P4HA3: variants seen among roughly 807,000 people sequenced by gnomAD.
The protein encoded by P4HA3 is prolyl 4-hydroxylase subunit alpha 3, also known as prolyl 4-hydroxylase subunit alpha-3.
In P4HA3, 60 loss-of-function variants were observed where a neutral mutation model predicts 66.7. The observed-to-expected ratio is 0.90, with a 90% CI of 0.73 to 1.12. The LOEUF (loss-of-function observed/expected upper bound fraction) is 1.12, where lower values mean the gene tolerates loss of function less well. Among genes scored for constraint, P4HA3 ranks in the 50% most tolerant of loss-of-function variants. The pLI is 0.00. For missense variants in P4HA3, 683 were observed against 685.8 expected (o/e 1.00, Z 0.05); for synonymous variants, 263 against 274.6 (o/e 0.96, Z 0.42).
chr11:74,287,184 CT>C, intron 5 of P4HA3: 1 of 1,275,692 alleles, frequency 7.8e-7, no homozygotes, highest in Non-Finnish European at 1.0e-6. Flanking sequence ...CTGCTGGCCT[CT>C]TTGCATGACT....
chr11:74,274,972 T>C (rs1261695214), intron 9 of P4HA3, among the ~76,000 whole-genome samples: 1 of 152,206 alleles, frequency 6.6e-6, no homozygotes, highest in African/African-American at 2.4e-5. Context: ...GCCATTCATT[T>C]ATCCTTTTTG....
downstream of P4HA3, among the ~76,000 whole-genome samples, chr11:74,262,068 T>C (rs969982929): frequency 6.6e-6 from 1 of 152,188 alleles, no homozygotes; most frequent in Non-Finnish European, 1.5e-5. Context: ...CATTATTTTT[T>C]AGTTATGCTC....
Position 74,267,125 on chromosome 11 carries a change from A to G in P4HA3, c.*123T>C. ...CCCTTGCCTCTGATTTGCGAGGCACAGACAAAGCTGACAAGGCCTTCTTCC... is the reference window on the plus strand; with the variant it reads ...CCCTTGCCTCTGATTTGCGAGGCACGGACAAAGCTGACAAGGCCTTCTTCC... On this transcript the variant is annotated 3_prime_UTR_variant, in exon 13 of 13. Coordinates refer to ENST00000331597, the MANE Select transcript of P4HA3 (RefSeq NM_182904.5). The G allele has an allele frequency of 6.4e-7, 1 of 1,556,884 alleles. No homozygotes were observed. The highest frequency in any genetic ancestry group is 1.2e-5 in the South Asian group (1 of 85,640).
intron 1 of P4HA3, 75 bp downstream of exon 1, chr11:74,311,337 C>T: frequency 1.4e-6 from 2 of 1,385,814 alleles, no homozygotes; most frequent in South Asian, 3.1e-5. Context: ...TCACACTCAA[C>T]CTGAGTCACC....
At chr11:74,268,550 G>T (rs1172735352) in intron 11 of P4HA3, among the ~76,000 whole-genome samples, 1 of 152,178 alleles carries the variant, frequency 6.6e-6, no homozygotes, top group Non-Finnish European at 1.5e-5. Flanking sequence ...GGTGAGTTCT[G>T]GGAGAAAGGT....
chr11:74,257,853 G>T (rs763476005), intron 15 of P4HA3, among the ~76,000 whole-genome samples: 3 of 152,118 alleles, frequency 2.0e-5, no homozygotes, highest in Admixed American at 6.5e-5. Flanking sequence ...GAGAGAACAG[G>T]ATAGTCTCAT....
intron 15 of P4HA3, chr11:74,254,650 G>C (rs981235281): frequency 6.5e-6 from 1 of 152,736 alleles, no homozygotes; most frequent in Non-Finnish European, 1.5e-5. Context: ...GACCTACTTT[G>C]TTTTTTGTTA....
chr11:74,267,709 C>T (rs1307302821), intron 12 of P4HA3, among the ~76,000 whole-genome samples: 7 of 152,212 alleles, frequency 4.6e-5, no homozygotes. Context: ...TTCCACTTCT[C>T]TTTCTGTTTC....
In P4HA3 at chr11:74,266,701, C is replaced by T. The variant is rs929500755; in HGVS notation, c.*547G>A. 2 of 194,310 alleles carry T rather than the reference C, an allele frequency of 1.0e-5. No individual in the cohort carries two copies. Among genetic ancestry groups the T allele is most frequent in the Non-Finnish European group, 2.1e-5 (2 of 94,534 alleles). 12.0% of individuals were successfully genotyped at this position (194,310 alleles called of 1,614,324 possible). A position where few individuals can be genotyped will look rare whatever the true frequency, so the allele number is the denominator to read the frequency against. On this transcript the variant is annotated 3_prime_UTR_variant, in exon 13 of 13. Transcript: ENST00000331597. ...ATGACTGTGTTAAAAAACCATCATA[C>T]AAAAAGAAAAGAAAGTTGTTTTCAA...
chr11:74,288,387 G>A (rs545620621), intron 5 of P4HA3, among the ~76,000 whole-genome samples: 1 of 152,136 alleles, frequency 6.6e-6, no homozygotes, highest in African/African-American at 2.4e-5. Context: ...TCCTTCTTGC[G>A]TACATAGTGC....
At chr11:74,257,835 A>G (rs1397778171) in intron 15 of P4HA3, among the ~76,000 whole-genome samples, 1 of 152,164 alleles carries the variant, frequency 6.6e-6, no homozygotes, top group Non-Finnish European at 1.5e-5. Context: ...AACAGTGGCC[A>G]CTGGGCTGAG....
At chr11:74,261,486 C>A (rs1859905837) in intron 14 of P4HA3, among the ~76,000 whole-genome samples, 1 of 152,052 alleles carries the variant, frequency 6.6e-6, no homozygotes, top group Non-Finnish European at 1.5e-5. Flanking sequence ...TTTACACTGT[C>A]TTTGGCTTGA....
chr11:74,295,028 G>C (rs1264760227), intron 4 of P4HA3, among the ~76,000 whole-genome samples: 1 of 152,158 alleles, frequency 6.6e-6, no homozygotes, highest in Non-Finnish European at 1.5e-5. Context: ...GGGAGCTGTA[G>C]ACCGGAGCTG....
chr11:74,287,206 C>T lies in P4HA3; in HGVS notation c.770-815G>A, dbSNP rs899265729. 1.1e-5 allele frequency: 14 copies of T among 1,287,368 alleles called. No homozygotes were observed. The Admixed American group carries it at 2.3e-4, about 21-fold the overall frequency. The allele number at this position is 1,287,368 out of a possible 1,614,324, so 79.7% of individuals were successfully genotyped here. A position where few individuals can be genotyped will look rare whatever the true frequency, so the allele number is the denominator to read the frequency against. ...CCTCTTTGCATGACTCTCAATGCAT[C>T]TCAGAAGGAGATGCTGAATTGTTCT... On this transcript the variant is annotated intron_variant, in intron 5 of 12. Coordinates refer to ENST00000331597, the MANE Select transcript of P4HA3 (RefSeq NM_182904.5).
intron 9 of P4HA3, among the ~76,000 whole-genome samples, chr11:74,274,727 A>T (rs1479483092): frequency 6.6e-6 from 1 of 152,222 alleles, no homozygotes; most frequent in Non-Finnish European, 1.5e-5. Context: ...TGGCTGGATC[A>T]TAAGTAGGTG....
intron 1 of P4HA3, among the ~76,000 whole-genome samples, chr11:74,307,902 A>C (rs1861620158): frequency 6.6e-6 from 1 of 152,056 alleles, no homozygotes; most frequent in African/African-American, 2.4e-5. Context: ...TCCTTAGCAC[A>C]GAAAAAATTG....
chr11:74,311,624 C>G lies in P4HA3; in HGVS notation c.-13G>C, dbSNP rs749424347. ...CCCCAGGACCCATAGCCAGCGCTCGCGAACTTCCCCTCAGACAGTCCTGGC... is the reference window on the plus strand; with the variant it reads ...CCCCAGGACCCATAGCCAGCGCTCGGGAACTTCCCCTCAGACAGTCCTGGC... On this transcript the variant is annotated 5_prime_UTR_variant, in exon 1 of 13. Coordinates refer to ENST00000331597, the MANE Select transcript of P4HA3 (RefSeq NM_182904.5). 156 of 1,486,956 alleles carry G rather than the reference C, an allele frequency of 1.0e-4. No homozygotes were observed. The highest frequency in any genetic ancestry group is 1.4e-4 in the Non-Finnish European group (154 of 1,129,848). 92.1% of individuals were successfully genotyped at this position (1,486,956 alleles called of 1,614,324 possible). A position where few individuals can be genotyped will look rare whatever the true frequency, so the allele number is the denominator to read the frequency against.
At chr11:74,280,112 CCT>C (rs1565409923) in intron 7 of P4HA3, among the ~76,000 whole-genome samples, 1 of 152,036 alleles carries the variant, frequency 6.6e-6, no homozygotes, top group Admixed American at 6.5e-5. Context: ...TAACTAAATG[CCT>C]CTCTTTTGTT....
At chr11:74,302,979 T>A (rs1015740414) in intron 2 of P4HA3, among the ~76,000 whole-genome samples, 3 of 152,070 alleles carry the variant, frequency 2.0e-5, no homozygotes, top group African/African-American at 7.2e-5. Flanking sequence ...AGAGATAGGA[T>A]CTTGTTCTGT....
Sources: allele counts gnomAD v4.1 joint callset (sites outside exome capture counted in the v4.1 genomes callset), GRCh38; gene constraint gnomAD v4.1.1; transcripts MANE v1.5; gene names NCBI Gene and HGNC (gene_info 2026-07-23, HGNC 2026-07-21).